Variants in ZC3H12B observed in about 807,000 individuals in gnomAD.
The protein encoded by ZC3H12B is probable ribonuclease ZC3H12B.
A neutral mutation model predicts 43.9 loss-of-function variants in ZC3H12B; 7 were observed. That is an observed-to-expected ratio of 0.16 (90% confidence interval 0.09 to 0.30). The LOEUF (loss-of-function observed/expected upper bound fraction) is 0.30. ZC3H12B is among the 10% of genes least tolerant of loss of function. ZC3H12B has a pLI of 1.00. For synonymous variants in ZC3H12B, 222 were observed against 241.7 expected (o/e 0.92, Z 0.76); for missense variants, 475 against 670.2 (o/e 0.71, Z 3.22).
the ZC3H12B span, among the ~76,000 whole-genome samples, chrX:65,111,177 G>A: frequency 1.8e-5 from 2 of 110,577 alleles, no homozygotes; most frequent in African/African-American, 6.5e-5. Context: ...CTGCTAATAG[G>A]GATACTATTA....
the ZC3H12B span, among the ~76,000 whole-genome samples, chrX:65,096,338 CCTG>C: frequency 5.4e-5 from 6 of 110,892 alleles, no homozygotes; most frequent in African/African-American, 1.3e-4. Context: ...ATGTAACAAA[CCTG>C]CACGTCCTGC....
chrX:65,292,073 C>T, the ZC3H12B span, among the ~76,000 whole-genome samples: 1 of 111,718 alleles, frequency 9.0e-6, no homozygotes, highest in Non-Finnish European at 1.9e-5. Flanking sequence ...TCTGCTATTA[C>T]ATATGAAGAC....
the ZC3H12B span, among the ~76,000 whole-genome samples, chrX:65,118,962 C>G: frequency 2.5e-3 from 272 of 110,280 alleles, 1 homozygote; most frequent in African/African-American, 8.8e-3. Flanking sequence ...ATCCATGTCC[C>G]TACAAAGGAC....
the ZC3H12B span, among the ~76,000 whole-genome samples, chrX:65,104,896 A>G: frequency 9.0e-6 from 1 of 111,645 alleles, no homozygotes; most frequent in East Asian, 2.8e-4. Flanking sequence ...CAGCAATCCC[A>G]TTACTGTGTA....
the ZC3H12B span, among the ~76,000 whole-genome samples, chrX:65,088,671 G>A: frequency 1.8e-5 from 2 of 111,291 alleles, no homozygotes; most frequent in Non-Finnish European, 3.8e-5. Context: ...CCTTAGTCTC[G>A]GTCTTGCTTT....
At chrX:65,332,634 G>A in the ZC3H12B span, among the ~76,000 whole-genome samples, 6 of 111,001 alleles carry the variant, frequency 5.4e-5, no homozygotes, top group African/African-American at 2.0e-4. Context: ...GTTTCTTCTG[G>A]GATGCAGCCA....
the ZC3H12B span, among the ~76,000 whole-genome samples, chrX:65,254,580 A>G: frequency 1.8e-5 from 2 of 112,456 alleles, no homozygotes; most frequent in Non-Finnish European, 3.8e-5. Context: ...AGCAACTTCA[A>G]AGATTGAAGG....
At chrX:65,056,843 A>C in the ZC3H12B span, among the ~76,000 whole-genome samples, 3 of 111,774 alleles carry the variant, frequency 2.7e-5, no homozygotes, top group East Asian at 8.5e-4. Flanking sequence ...ACTATTATGT[A>C]ATGGCCTTGT....
chrX:65,194,166 T>C, the ZC3H12B span, among the ~76,000 whole-genome samples: 1 of 103,393 alleles, frequency 9.7e-6, no homozygotes, highest in East Asian at 3.2e-4. Context: ...GAGACAGAGA[T>C]CCAAATCATA....
chrX:65,449,692 G>A (rs1014431909), intron 3 of ZC3H12B, among the ~76,000 whole-genome samples: 2 of 111,418 alleles, frequency 1.8e-5, no homozygotes, highest in Admixed American at 1.9e-4. Flanking sequence ...ATGAAAAAAT[G>A]TCTTTTGCAG....
At chrX:65,120,935 T>G in the ZC3H12B span, among the ~76,000 whole-genome samples, 1 of 111,902 alleles carries the variant, frequency 8.9e-6, no homozygotes. Flanking sequence ...TGGTTCTATT[T>G]ATATGCTGGA....
chrX:65,223,998 A>G, the ZC3H12B span, among the ~76,000 whole-genome samples: 1 of 112,530 alleles, frequency 8.9e-6, no homozygotes, highest in Non-Finnish European at 1.9e-5. Context: ...AGATATTTGC[A>G]CATGCATATT....
chrX:65,170,633 C>T, the ZC3H12B span, among the ~76,000 whole-genome samples: 725 of 111,758 alleles, frequency 6.5e-3, 13 homozygotes, highest in African/African-American at 0.023. Context: ...GAGTGTTTTC[C>T]ATCTTGGTTC....
intron 2 of ZC3H12B, among the ~76,000 whole-genome samples, chrX:65,376,094 A>T (rs1463191464): frequency 8.9e-6 from 1 of 111,944 alleles, no homozygotes; most frequent in Non-Finnish European, 1.9e-5. Flanking sequence ...CAAGCCTGGC[A>T]ACATTCACCA....
chrX:65,149,764 A>T, the ZC3H12B span, among the ~76,000 whole-genome samples: 2 of 85,299 alleles, frequency 2.3e-5, no homozygotes, highest in Non-Finnish European at 4.5e-5. Context: ...ACTTAATCTC[A>T]AATAATAATA....
the ZC3H12B span, among the ~76,000 whole-genome samples, chrX:65,227,295 C>T: frequency 3.6e-5 from 4 of 111,275 alleles, no homozygotes; most frequent in African/African-American, 1.3e-4. Flanking sequence ...GGGTACATAA[C>T]GAAATGAAGG....
At chrX:65,298,585 A>G in the ZC3H12B span, among the ~76,000 whole-genome samples, 4 of 111,426 alleles carry the variant, frequency 3.6e-5, no homozygotes, top group Non-Finnish European at 7.5e-5. Context: ...ATGACCCAGA[A>G]ATTCCTCTTC....
the ZC3H12B span, among the ~76,000 whole-genome samples, chrX:65,317,355 T>C: frequency 1.8e-5 from 2 of 110,892 alleles, no homozygotes; most frequent in Non-Finnish European, 3.8e-5. Flanking sequence ...TACAATTACA[T>C]GGAAATTACA....
the ZC3H12B span, among the ~76,000 whole-genome samples, chrX:65,094,833 A>T: frequency 8.9e-6 from 1 of 112,366 alleles, no homozygotes; most frequent in African/African-American, 3.2e-5. Flanking sequence ...CTGCAGCATG[A>T]AGACATATGG....
Sources: gnomAD v4.1 joint callset for allele counts (sites outside exome capture counted in the v4.1 genomes callset) on GRCh38, gnomAD v4.1.1 for gene constraint, MANE v1.5 for transcripts, NCBI Gene and HGNC (gene_info 2026-07-23, HGNC 2026-07-21) for gene names.